USH2A: variants seen among roughly 807,000 people sequenced by gnomAD.
The protein encoded by USH2A is usherin.
USH2A carries 443 observed loss-of-function variants against 538.9 expected under a neutral mutation model. The observed-to-expected ratio is 0.82, with a 90% confidence interval of 0.76 to 0.89. The LOEUF (loss-of-function observed/expected upper bound fraction) is 0.89. Ranked by LOEUF, USH2A falls within the 40% of genes least tolerant of loss-of-function variation. The pLI is 0.00. For missense variants in USH2A, 6,633 were observed against 6,324.8 expected, an observed-to-expected ratio of 1.05 and a Z score of -1.65; for synonymous variants, 2,413 against 2,273.5, an observed-to-expected ratio of 1.06 and a Z score of -1.75.
At chr1:215,836,480 A>ATATATATT (rs370092518) in intron 47 of USH2A, among the ~76,000 whole-genome samples, 6 of 8,444 alleles carry the variant, frequency 7.1e-4, no homozygotes, top group African/African-American at 1.8e-3. Context: ...ATATATATAT[A>ATATATATT]ATATATATTA....
At chr1:215,852,912 C>T (rs942590293) in intron 44 of USH2A, among the ~76,000 whole-genome samples, 4 of 152,170 alleles carry the variant, frequency 2.6e-5, no homozygotes, top group African/African-American at 9.6e-5. Context: ...GCTGCTTTCA[C>T]AGGTTGGCAT....
chr1:216,323,276 T>TTATATATA (rs67957139), intron 8 of USH2A, among the ~76,000 whole-genome samples, 198 bp downstream of exon 8: 47 of 137,100 alleles, frequency 3.4e-4, no homozygotes, highest in African/African-American at 9.5e-4. Context: ...AAAATACGTT[T>TTATATATA]TATATATATA....
intron 58 of USH2A, among the ~76,000 whole-genome samples, chr1:215,752,640 T>C (rs923632475): frequency 1.3e-5 from 2 of 152,190 alleles, no homozygotes; most frequent in Non-Finnish European, 2.9e-5. Context: ...AAAGTCATTG[T>C]TGCAATGTGG....
rs753233925 is a variant in USH2A, at chr1:215,996,560, G to GTTTTTTT, written c.6657+2320_6657+2326dup. Among the ~76,000 whole-genome samples, 42 of 51,714 alleles carry GTTTTTTT rather than the reference G, an allele frequency of 8.1e-4. 11 individuals are homozygous for GTTTTTTT. The highest frequency in any genetic ancestry group is 9.4e-4 in the Non-Finnish European group (30 of 31,968). 33.9% of individuals were successfully genotyped at this position (51,714 alleles called of 152,430 possible). On this transcript the variant is annotated intron_variant, in intron 34 of 71. Coordinates refer to ENST00000307340, the MANE Select transcript of USH2A (RefSeq NM_206933.4). ...TTTGTTGAGAGTAGCAACATATTAT[G>GTTTTTTT]TTTTTTTTTTTTTTTTTTTTTTTTT... is the stretch of plus-strand genomic sequence containing the variant.
At position 215,775,960 on chromosome 1, in the gene USH2A, G is replaced by A. The variant is rs1186864401; in HGVS notation, c.10939+3883C>T. ...TAATTATTTTGAAAATAGTTTTCCA[G>A]AGTAAGAGACACATAGGCCCTTATT... On this transcript the variant is annotated intron_variant, in intron 55 of 71. Transcript: ENST00000307340. Among the ~76,000 whole-genome samples, 4 of 152,268 alleles carry A rather than the reference G, an allele frequency of 2.6e-5. No homozygotes were observed. In the South Asian group the frequency reaches 8.3e-4, roughly 32 times the overall value.
chr1:215,881,429 C>T (rs1424484456), intron 41 of USH2A, among the ~76,000 whole-genome samples: 1 of 152,186 alleles, frequency 6.6e-6, no homozygotes, highest in Non-Finnish European at 1.5e-5. Context: ...CATGAGCCAC[C>T]ACGCCCTGCC....
At chr1:215,654,777 A>G (rs1035273738) in intron 64 of USH2A, among the ~76,000 whole-genome samples, 2 of 152,206 alleles carry the variant, frequency 1.3e-5, no homozygotes. Flanking sequence ...TCTGTTTTCA[A>G]TGTAATATAT....
intron 61 of USH2A, among the ~76,000 whole-genome samples, chr1:215,720,915 C>G (rs944069836): frequency 6.6e-5 from 10 of 152,142 alleles, no homozygotes; most frequent in African/African-American, 2.4e-4. Context: ...GAGTAAAGCT[C>G]TGTTCCTTTT....
intron 20 of USH2A, among the ~76,000 whole-genome samples, chr1:216,181,995 T>C (rs77844242): frequency 0.015 from 2,245 of 152,192 alleles, 59 homozygotes; most frequent in African/African-American, 0.051. Flanking sequence ...GAAACTACCA[T>C]TGTCCTTGAT....
intron 40 of USH2A, among the ~76,000 whole-genome samples, chr1:215,892,472 G>T (rs1665234217): frequency 1.3e-5 from 2 of 152,124 alleles, no homozygotes; most frequent in African/African-American, 4.8e-5. Flanking sequence ...GCAATATATT[G>T]CATGCTAATT....
At chr1:216,205,879 C>G (rs960338370) in intron 16 of USH2A, among the ~76,000 whole-genome samples, 5 of 152,094 alleles carry the variant, frequency 3.3e-5, no homozygotes, top group South Asian at 2.1e-4. Context: ...GAAACTGTAT[C>G]TAAAACATCT....
chr1:216,302,856 C>T (rs188794699), intron 9 of USH2A, among the ~76,000 whole-genome samples: 224 of 152,018 alleles, frequency 1.5e-3, no homozygotes, highest in Non-Finnish European at 2.3e-3. Context: ...CAGGATTATT[C>T]GGATAATCCT....
chr1:216,358,790 T>C (rs538904545), intron 4 of USH2A, among the ~76,000 whole-genome samples: 1 of 152,190 alleles, frequency 6.6e-6, no homozygotes, highest in Non-Finnish European at 1.5e-5. Flanking sequence ...GGTTTCCTGT[T>C]ACATGTTTTC....
chr1:216,328,139 G>T (rs1001458142), intron 4 of USH2A, among the ~76,000 whole-genome samples: 2 of 152,078 alleles, frequency 1.3e-5, no homozygotes, highest in Non-Finnish European at 2.9e-5. Flanking sequence ...ATTAATGTCT[G>T]TTCTAGAAAA....
intron 4 of USH2A, among the ~76,000 whole-genome samples, chr1:216,352,757 A>C (rs2038310804): frequency 6.6e-6 from 1 of 152,174 alleles, no homozygotes; most frequent in Non-Finnish European, 1.5e-5. Context: ...TCTTGGTCAG[A>C]TCTATTAATA....
At chr1:215,721,720 T>C (rs1180122287) in intron 61 of USH2A, among the ~76,000 whole-genome samples, 1 of 152,098 alleles carries the variant, frequency 6.6e-6, no homozygotes, top group Non-Finnish European at 1.5e-5. Flanking sequence ...TTAAAGATTA[T>C]GTAAGGCAAG....
chr1:215,707,330 T>C (rs908550519), intron 61 of USH2A, among the ~76,000 whole-genome samples: 2 of 152,148 alleles, frequency 1.3e-5, no homozygotes, highest in Non-Finnish European at 2.9e-5. Flanking sequence ...GCAGTCAACT[T>C]AGAAGAATTG....
chr1:215,990,661 A>G (rs575482172), intron 35 of USH2A, among the ~76,000 whole-genome samples: 20 of 151,750 alleles, frequency 1.3e-4, no homozygotes, highest in African/African-American at 4.8e-4. Context: ...GAGTAGAATG[A>G]TTTCATGGAA....
At chr1:215,992,985 A>C (rs1031122039) in intron 35 of USH2A, 35 bp downstream of exon 35, 30 of 1,613,802 alleles carry the variant, frequency 1.9e-5, no homozygotes, top group Non-Finnish European at 2.4e-5. Flanking sequence ...TTTGCTAATC[A>C]TCTTTTTAAC....
Sources: gnomAD v4.1 joint callset for allele counts (sites outside exome capture counted in the v4.1 genomes callset) on GRCh38, gnomAD v4.1.1 for gene constraint, MANE v1.5 for transcripts, NCBI Gene and HGNC (gene_info 2026-07-23, HGNC 2026-07-21) for gene names.